The following RDH13 variants were observed in gnomAD, a reference collection of about 807,000 sequenced individuals.
RDH13 encodes retinol dehydrogenase 13 (all-trans and 9-cis).
In RDH13, 35 loss-of-function variants were observed where a neutral mutation model predicts 28.3. That is an observed-to-expected ratio of 1.24 (90% CI 0.95 to 1.64). The LOEUF (loss-of-function observed/expected upper bound fraction) is 1.64. Among genes scored for constraint, RDH13 ranks in the 40% most tolerant of loss-of-function variants. The pLI, the probability that RDH13 is intolerant of heterozygous loss-of-function variation, is 0.00. For missense variants in RDH13, 514 were observed against 446.3 expected (o/e 1.15, Z -1.37); for synonymous variants, 229 against 198.5 (o/e 1.15, Z -1.29).
At chr19:55,058,851 T>C (rs1824062087) in intron 2 of RDH13, among the ~76,000 whole-genome samples, 1 of 152,178 alleles carries the variant, frequency 6.6e-6, no homozygotes, top group Admixed American at 6.5e-5. Context: ...TGGCTAATTT[T>C]TGTATTTTTA....
Position 55,059,335 on chromosome 19 carries a change from G to A in RDH13, c.66-60C>T. 3 of 1,137,744 alleles carry A rather than the reference G, an allele frequency of 2.6e-6. No homozygotes were observed. The South Asian group carries it at 4.0e-5, about 15-fold the overall frequency. 70.5% of individuals were successfully genotyped at this position (1,137,744 alleles called of 1,614,324 possible). A position where few individuals can be genotyped will look rare whatever the true frequency, so the allele number is the denominator to read the frequency against. ...GCCCACTCTCACCCCACGTGCCCCT[G>A]ACTGAATGATCTCAGGCAACCTTGT... On this transcript the variant is annotated intron_variant, in intron 1 of 6. Coordinates refer to ENST00000415061, the MANE Select transcript of RDH13 (RefSeq NM_001145971.2).
chr19:55,045,724 T>C (rs1383517776), intron 6 of RDH13, among the ~76,000 whole-genome samples: 1 of 151,834 alleles, frequency 6.6e-6, no homozygotes, highest in African/African-American at 2.4e-5. Flanking sequence ...GGCGGGCGGA[T>C]TACCTGGGGT....
chr19:55,054,164 G>A (rs1188569927), intron 3 of RDH13, among the ~76,000 whole-genome samples: 1 of 152,302 alleles, frequency 6.6e-6, no homozygotes, highest in Admixed American at 6.5e-5. Context: ...ACCTGGTCAG[G>A]TCTGAGATCA....
chr19:55,050,798 T>C (rs148286263), intron 3 of RDH13: 2 of 151,956 alleles, frequency 1.3e-5, no homozygotes, highest in Non-Finnish European at 2.9e-5. Context: ...CCCGAAGTGG[T>C]TTTCGGCGGG....
upstream of RDH13, among the ~76,000 whole-genome samples, chr19:55,064,763 T>TCCAC (rs2075921247): frequency 9.5e-6 from 1 of 105,682 alleles, no homozygotes; most frequent in Non-Finnish European, 1.9e-5. Flanking sequence ...CAGGCACGTG[T>TCCAC]CACCACACCC....
At chr19:55,042,179 TAAA>T (rs2075050854), downstream of RDH13, 2 of 145,122 alleles carry the variant, frequency 1.4e-5, no homozygotes, top group Admixed American at 1.4e-4. Flanking sequence ...GGCTTTCTAG[TAAA>T]AACCACTTCC....
At chr19:55,039,836 C>G (rs2074974025), downstream of RDH13, 1 of 152,130 alleles carries the variant, frequency 6.6e-6, no homozygotes, top group Admixed American at 6.5e-5. Context: ...GAGATTCTGT[C>G]TCCAAAAAAT....
At chr19:55,059,296 G>A (rs372582333) in intron 1 of RDH13, 21 bp from the exon 2 acceptor site, 35 of 1,518,038 alleles carry the variant, frequency 2.3e-5, no homozygotes, top group African/African-American at 1.6e-4. Context: ...GAAGCGGCAC[G>A]GTCAGTCCTG....
At chr19:55,058,805 C>T (rs1441501448) in intron 2 of RDH13, among the ~76,000 whole-genome samples, 1 of 152,138 alleles carries the variant, frequency 6.6e-6, no homozygotes, top group Non-Finnish European at 1.5e-5. Flanking sequence ...TTCAGCCTCC[C>T]AAGCAGCTGG....
downstream of RDH13, chr19:55,043,130 G>A (rs1219290846): frequency 1.3e-5 from 2 of 152,326 alleles, no homozygotes; most frequent in South Asian, 2.1e-4. Context: ...GGCCAGGTAC[G>A]GTGGCTCATG....
rs114251501 is a variant in RDH13, at chr19:55,046,962, C to G, written c.760+425G>C. On this transcript the variant is annotated intron_variant, in intron 6 of 6. Transcript: ENST00000415061. Reference sequence around the variant, plus strand: ...GGGCGGGGTCCTGTGCTGGCCCTTTCAAGGAAGGTCTCGTATAACCCCCCC... The same window carrying G: ...GGGCGGGGTCCTGTGCTGGCCCTTTGAAGGAAGGTCTCGTATAACCCCCCC... 1.1e-3 allele frequency: 233 copies of G among 219,880 alleles called. 1 individual carries two copies. The highest frequency in any genetic ancestry group is 5.3e-3 in the African/African-American group (228 of 43,350). The allele number at this position is 219,880 out of a possible 1,614,324, so 13.6% of individuals were successfully genotyped here.
upstream of RDH13, among the ~76,000 whole-genome samples, chr19:55,065,590 T>G (rs1055273249): frequency 2.0e-5 from 3 of 151,644 alleles, no homozygotes; most frequent in African/African-American, 2.4e-5. Flanking sequence ...ATTTCAGCTT[T>G]GTGATCCACA....
intron 3 of RDH13, among the ~76,000 whole-genome samples, chr19:55,051,359 A>AG (rs2075426099): frequency 6.6e-6 from 1 of 152,190 alleles, no homozygotes; most frequent in Non-Finnish European, 1.5e-5. Context: ...AAGGCGGGAC[A>AG]GGGAGACTCC....
At chr19:55,050,907 C>G (rs1440790638) in intron 3 of RDH13, 1 of 151,518 alleles carries the variant, frequency 6.6e-6, no homozygotes, top group East Asian at 1.9e-4. Flanking sequence ...AATACCAGCT[C>G]TGGAGCAGGA....
intron 3 of RDH13, chr19:55,053,614 C>G (rs35565606): frequency 0.14 from 21,499 of 150,806 alleles, 1,784 homozygotes; most frequent in African/African-American, 0.22. Context: ...CCGAGATGTG[C>G]CACTGTCCTC....
intron 2 of RDH13, among the ~76,000 whole-genome samples, 199 bp from the exon 3 acceptor site, chr19:55,057,007 G>A (rs973639482): frequency 2.0e-5 from 3 of 152,184 alleles, no homozygotes; most frequent in Admixed American, 1.3e-4. Flanking sequence ...CATCCATAGA[G>A]ATGGAATATT....
intron 3 of RDH13, among the ~76,000 whole-genome samples, chr19:55,051,258 G>A (rs911904521): frequency 6.6e-6 from 1 of 152,114 alleles, no homozygotes; most frequent in African/African-American, 2.4e-5. Flanking sequence ...AGGTGACGCA[G>A]AAACTGGGAC....
At chr19:55,050,002 T>G (rs2075376176) in intron 3 of RDH13, among the ~76,000 whole-genome samples, 1 of 151,704 alleles carries the variant, frequency 6.6e-6, no homozygotes, top group Admixed American at 6.6e-5. Context: ...AATTTTAGAT[T>G]TTTCAGACAT....
At chr19:55,052,291 C>T (rs1389643779) in intron 3 of RDH13, among the ~76,000 whole-genome samples, 2 of 151,890 alleles carry the variant, frequency 1.3e-5, no homozygotes, top group East Asian at 2.0e-4. Flanking sequence ...GCCTGTAATC[C>T]CAGCTACTCA....
Sources: allele counts gnomAD v4.1 joint callset (sites outside exome capture counted in the v4.1 genomes callset), GRCh38; gene constraint gnomAD v4.1.1; transcripts MANE v1.5; gene names NCBI Gene and HGNC (gene_info 2026-07-23, HGNC 2026-07-21).